AGBL4: variants seen among roughly 807,000 people sequenced by gnomAD.
AGBL4 encodes AGBL carboxypeptidase 4, also known as cytosolic carboxypeptidase 6.
A neutral mutation model predicts 66.4 loss-of-function variants in AGBL4; 58 were observed. The ratio of observed to expected loss-of-function variants is 0.87; its 90% CI spans 0.71 to 1.09. The LOEUF is 1.09. Ranked by LOEUF, AGBL4 falls within the 50% of genes least tolerant of loss-of-function variation. AGBL4 has a pLI of 0.00. For missense variants in AGBL4, 579 were observed against 631.0 expected, an observed-to-expected ratio of 0.92 and a Z score of 0.88; for synonymous variants, 234 against 222.9, an observed-to-expected ratio of 1.05 and a Z score of -0.44.
At chr1:49,718,614 C>T (rs1648348764) in intron 2 of AGBL4, among the ~76,000 whole-genome samples, 3 of 151,964 alleles carry the variant, frequency 2.0e-5, no homozygotes, top group African/African-American at 7.2e-5. Flanking sequence ...CATCCATTGA[C>T]AGTTATTTTG....
At chr1:49,133,947 CG>C (rs1645953780) in intron 4 of AGBL4, among the ~76,000 whole-genome samples, 3 of 151,728 alleles carry the variant, frequency 2.0e-5, no homozygotes, top group Non-Finnish European at 4.4e-5. Context: ...ATATATGTAT[CG>C]GGCGAACCAG....
At chr1:49,250,152 T>C (rs936179293) in intron 3 of AGBL4, among the ~76,000 whole-genome samples, 1 of 152,210 alleles carries the variant, frequency 6.6e-6, no homozygotes, top group African/African-American at 2.4e-5. Context: ...TAGTATTTGA[T>C]AGTACAGTAG....
intron 2 of AGBL4, among the ~76,000 whole-genome samples, chr1:49,733,507 AT>A (rs1649618635): frequency 6.6e-6 from 1 of 152,170 alleles, no homozygotes; most frequent in African/African-American, 2.4e-5. Flanking sequence ...AACAACGAAC[AT>A]TATTTCTGTA....
intron 5 of AGBL4, among the ~76,000 whole-genome samples, chr1:48,895,335 C>G (rs1344427556): frequency 2.0e-5 from 3 of 152,228 alleles, no homozygotes; most frequent in Non-Finnish European, 4.4e-5. Flanking sequence ...TCTTCCTGCA[C>G]TTTCCTCTGG....
intron 11 of AGBL4, 50 bp from the exon 12 acceptor site, chr1:48,539,788 G>C: frequency 3.2e-6 from 4 of 1,254,646 alleles, no homozygotes; most frequent in Non-Finnish European, 4.3e-6. Context: ...TTGAGACAGA[G>C]TGAAAAGAGA....
At chr1:49,320,287 C>T (rs570528096) in intron 3 of AGBL4, among the ~76,000 whole-genome samples, 1 of 152,172 alleles carries the variant, frequency 6.6e-6, no homozygotes, top group Admixed American at 6.5e-5. Context: ...AACCATAGCA[C>T]ATATGCTGAC....
At chr1:49,906,230 T>C (rs1208530433) in intron 1 of AGBL4, among the ~76,000 whole-genome samples, 3 of 151,968 alleles carry the variant, frequency 2.0e-5, no homozygotes, top group African/African-American at 7.2e-5. Flanking sequence ...ATAGTATTTA[T>C]TAATTTATTG....
intron 2 of AGBL4, among the ~76,000 whole-genome samples, chr1:49,744,452 TC>T (rs143187301): frequency 0.035 from 5,380 of 152,160 alleles, 133 homozygotes; most frequent in East Asian, 0.057. Flanking sequence ...AGACCTCTTT[TC>T]TTTGTAAATT....
intron 3 of AGBL4, among the ~76,000 whole-genome samples, chr1:49,300,156 C>T (rs1644718269): frequency 2.0e-5 from 3 of 152,156 alleles, no homozygotes; most frequent in African/African-American, 7.2e-5. Flanking sequence ...CATCCTTTGG[C>T]AATTTTGTTC....
At chr1:49,817,046 T>A (rs917500934) in intron 2 of AGBL4, among the ~76,000 whole-genome samples, 10 of 152,136 alleles carry the variant, frequency 6.6e-5, no homozygotes, top group African/African-American at 9.7e-5. Flanking sequence ...CCTACCCACA[T>A]CCCTGAAGAG....
At chr1:49,948,465 A>G (rs1408681725) in intron 1 of AGBL4, among the ~76,000 whole-genome samples, 1 of 104,926 alleles carries the variant, frequency 9.5e-6, no homozygotes, top group African/African-American at 3.5e-5. Context: ...ATATAGATAA[A>G]TATATAAATA....
intron 2 of AGBL4, among the ~76,000 whole-genome samples, chr1:49,714,591 T>C (rs201897289): frequency 1.5e-5 from 2 of 135,982 alleles, no homozygotes; most frequent in Non-Finnish European, 3.3e-5. Context: ...TATATATATA[T>C]ATACACACAC....
At chr1:49,862,435 A>C (rs1172505432) in intron 1 of AGBL4, among the ~76,000 whole-genome samples, 2 of 152,134 alleles carry the variant, frequency 1.3e-5, no homozygotes, top group Non-Finnish European at 2.9e-5. Context: ...AATGGCCTTA[A>C]AGAGGAAGTA....
intron 2 of AGBL4, among the ~76,000 whole-genome samples, chr1:49,784,611 C>A (rs548275405): frequency 1.3e-5 from 2 of 152,050 alleles, no homozygotes; most frequent in South Asian, 4.1e-4. Context: ...TTCAATGTCA[C>A]ACCAATAGCA....
intron 3 of AGBL4, among the ~76,000 whole-genome samples, chr1:49,413,860 C>T (rs1477289719): frequency 6.6e-6 from 1 of 152,134 alleles, no homozygotes; most frequent in East Asian, 1.9e-4. Flanking sequence ...GTTATGTGAT[C>T]TGTAACAGGT....
At chr1:49,661,460 GTTA>G (rs1646268146) in intron 3 of AGBL4, among the ~76,000 whole-genome samples, 1 of 152,002 alleles carries the variant, frequency 6.6e-6, no homozygotes, top group Non-Finnish European at 1.5e-5. Flanking sequence ...GCAAGATCTG[GTTA>G]TTAAGAATCT....
At chr1:48,885,750 C>T (rs963437415) in intron 5 of AGBL4, among the ~76,000 whole-genome samples, 1 of 152,122 alleles carries the variant, frequency 6.6e-6, no homozygotes, top group Non-Finnish European at 1.5e-5. Context: ...CCTAGAGGCT[C>T]CCCACTGAGA....
At chr1:49,019,540 C>A (rs1191599759) in intron 5 of AGBL4, among the ~76,000 whole-genome samples, 1 of 152,306 alleles carries the variant, frequency 6.6e-6, no homozygotes, top group South Asian at 2.1e-4. Context: ...CTACCCTGAT[C>A]AAGGTAACCA....
intron 5 of AGBL4, among the ~76,000 whole-genome samples, chr1:48,971,426 GT>G (rs1265288702): frequency 2.6e-5 from 4 of 152,080 alleles, no homozygotes; most frequent in Non-Finnish European, 1.5e-5. Context: ...TGCCAAAAAG[GT>G]TGGGGACCAC....
Sources: allele counts gnomAD v4.1 joint callset (sites outside exome capture counted in the v4.1 genomes callset), GRCh38; gene constraint gnomAD v4.1.1; transcripts MANE v1.5; gene names NCBI Gene and HGNC (gene_info 2026-07-23, HGNC 2026-07-21).